Variants in MCPH1 observed in about 807,000 individuals in gnomAD.
MCPH1 encodes microcephalin.
MCPH1 carries 104 observed loss-of-function variants against 84.5 expected under a neutral mutation model. The ratio of observed to expected loss-of-function variants is 1.23; its 90% confidence interval spans 1.05 to 1.45. The LOEUF (loss-of-function observed/expected upper bound fraction) is 1.45. Ranked by LOEUF, MCPH1 falls within the 40% of genes most tolerant of loss-of-function variation. MCPH1 has a pLI of 0.00. For missense variants in MCPH1, 1,498 were observed against 1,005.7 expected (o/e 1.49, Z -6.62); for synonymous variants, 514 against 366.8 (o/e 1.40, Z -4.58).
At position 6,445,443 on chromosome 8, in the gene MCPH1, C is replaced by G; in HGVS notation, c.1721C>G (p.Ser574Cys). Residue 574 changes from serine (S) to cysteine (C), a missense_variant, in exon 8 of 14, where the codon TCT (serine) becomes TGT (cysteine). Coordinates refer to ENST00000344683, the MANE Select transcript of MCPH1 (RefSeq NM_024596.5). ...KGTTSKISNS[S>C]EGEAQSEHEP... Reference sequence around the variant, plus strand: ...ACCACTTCCAAAATATCAAACTCCTCTGAAGGCGAAGCCCAGAGTGAACAT... The same window carrying G: ...ACCACTTCCAAAATATCAAACTCCTGTGAAGGCGAAGCCCAGAGTGAACAT... 1.9e-6 allele frequency: 3 copies of G among 1,614,232 alleles called. No individual in the cohort carries two copies. Among genetic ancestry groups the G allele is most frequent in the East Asian group, 2.2e-5 (1 of 44,882 alleles).
At chr8:6,582,310 C>G (rs1827623480) in intron 12 of MCPH1, among the ~76,000 whole-genome samples, 1 of 152,208 alleles carries the variant, frequency 6.6e-6, no homozygotes, top group South Asian at 2.1e-4. Context: ...TTAATTATCT[C>G]TTTCAATCCT....
In MCPH1 at chr8:6,647,884, C is replaced by G. The variant is rs1798288561; in HGVS notation, c.*4835C>G. On this transcript the variant is annotated 3_prime_UTR_variant, in exon 14 of 14. Coordinates refer to ENST00000344683, the MANE Select transcript of MCPH1 (RefSeq NM_024596.5). ...GAACAGAACACTTTTAATGGGTAAG[C>G]CTTAAGGCATGTGAATTATACACCA... 1 of 151,962 alleles carries G rather than the reference C, an allele frequency of 6.6e-6. No homozygotes were observed. The allele number at this position is 151,962 out of a possible 1,614,324, so 9.4% of individuals were successfully genotyped here.
chr8:6,518,688 G>T (rs555009449), intron 12 of MCPH1, among the ~76,000 whole-genome samples: 1 of 152,196 alleles, frequency 6.6e-6, no homozygotes, highest in African/African-American at 2.4e-5. Flanking sequence ...CAAGAGCCTC[G>T]AAAATTTCCA....
chr8:6,621,546 C>T lies in MCPH1; in HGVS notation c.2307C>T (p.Ser769=). The T allele has an allele frequency of 1.2e-6, 2 of 1,613,566 alleles. No homozygotes were observed. Among genetic ancestry groups the T allele is most frequent in the East Asian group, 2.2e-5 (1 of 44,850 alleles). Residue 769 remains serine (S), a synonymous_variant, in exon 13 of 14, where the codon AGC becomes AGT. Coordinates refer to ENST00000344683, the MANE Select transcript of MCPH1 (RefSeq NM_024596.5). Reference sequence around the variant, plus strand: ...CGATGTTTGTCTCGCCTGCCAGCAGCCCCCCAGTGGCCAAGCTCTGTGAAC... The same window carrying T: ...CGATGTTTGTCTCGCCTGCCAGCAGTCCCCCAGTGGCCAAGCTCTGTGAAC... ...QPAMFVSPAS[S]PPVAKLCELV...
rs1824284183 is a variant in MCPH1, at chr8:6,554,709, C to T, written c.2214+54780C>T. ...GTGGAAAGTTGCTCAGAGGGAGAAC[C>T]AGTCTGATTTTGGAGAAAGTAATTA... On this transcript the variant is annotated intron_variant, in intron 12 of 13. Transcript: ENST00000344683. Among the ~76,000 whole-genome samples the T allele has an allele frequency of 2.0e-5, 3 of 152,180 alleles. No individual in the cohort carries two copies. In the Middle Eastern group the frequency reaches 0.01, roughly 518 times the overall value.
At chr8:6,581,595 G>A (rs890725399) in intron 12 of MCPH1, among the ~76,000 whole-genome samples, 1 of 152,158 alleles carries the variant, frequency 6.6e-6, no homozygotes, top group African/African-American at 2.4e-5. Context: ...ACAAAACACA[G>A]TTAGGAAGTT....
chr8:6,593,841 T>C (rs1445802590), intron 12 of MCPH1, among the ~76,000 whole-genome samples: 1 of 152,232 alleles, frequency 6.6e-6, no homozygotes, highest in African/African-American at 2.4e-5. Context: ...TTTGCAAAGA[T>C]TGAGATCATT....
At chr8:6,573,441 G>C (rs534291571) in intron 12 of MCPH1, among the ~76,000 whole-genome samples, 1 of 151,994 alleles carries the variant, frequency 6.6e-6, no homozygotes, top group African/African-American at 2.4e-5. Flanking sequence ...TCTGGTACTG[G>C]GACTGACTCT....
At chr8:6,412,575 T>G (rs6995735) in intron 2 of MCPH1, among the ~76,000 whole-genome samples, 39,803 of 152,132 alleles carry the variant, frequency 0.26, 6,091 homozygotes, top group African/African-American at 0.43. Flanking sequence ...TGATTCACCC[T>G]TAATCTAGAT....
intron 12 of MCPH1, among the ~76,000 whole-genome samples, chr8:6,600,836 C>T (rs1392560362): frequency 2.0e-5 from 3 of 152,168 alleles, no homozygotes; most frequent in African/African-American, 7.2e-5. Flanking sequence ...TATGGGCTCC[C>T]ATCAAGGGTG....
intron 13 of MCPH1, among the ~76,000 whole-genome samples, chr8:6,624,474 C>T (rs1329926382): frequency 6.6e-6 from 1 of 152,182 alleles, no homozygotes; most frequent in African/African-American, 2.4e-5. Context: ...TCCAGTGTAC[C>T]AGGCCTCTCC....
chr8:6,491,649 T>C (rs7823919), intron 11 of MCPH1, among the ~76,000 whole-genome samples: 1,760 of 151,504 alleles, frequency 0.012, 44 homozygotes, highest in African/African-American at 0.041. Flanking sequence ...CAACAGGCCC[T>C]GGTGTGTGAT....
chr8:6,441,181 G>A (rs1803460135), intron 6 of MCPH1, among the ~76,000 whole-genome samples: 1 of 152,234 alleles, frequency 6.6e-6, no homozygotes, highest in Admixed American at 6.5e-5. Flanking sequence ...TTGTTAAGAA[G>A]AAGTGAGAAT....
intron 12 of MCPH1, among the ~76,000 whole-genome samples, chr8:6,555,500 AG>A (rs1447772567): frequency 2.0e-5 from 3 of 148,222 alleles, no homozygotes; most frequent in Non-Finnish European, 3.0e-5. Flanking sequence ...CTCACTGCGT[AG>A]CCCAGGCTGG....
chr8:6,474,270 AT>A, intron 9 of MCPH1: 1 of 548,380 alleles, frequency 1.8e-6, no homozygotes, highest in Non-Finnish European at 3.3e-6. Flanking sequence ...ACATTAATGT[AT>A]TTCAATCCTG....
At chr8:6,412,832 G>C (rs1321227868) in intron 2 of MCPH1, among the ~76,000 whole-genome samples, 2 of 152,312 alleles carry the variant, frequency 1.3e-5, no homozygotes, top group Non-Finnish European at 2.9e-5. Flanking sequence ...GAGAGAGAGA[G>C]AGAGTTATAA....
intron 12 of MCPH1, among the ~76,000 whole-genome samples, chr8:6,572,604 A>G (rs1826751046): frequency 6.6e-6 from 1 of 152,252 alleles, no homozygotes; most frequent in Non-Finnish European, 1.5e-5. Flanking sequence ...ACACACAGTG[A>G]AAAAATATTT....
intron 12 of MCPH1, among the ~76,000 whole-genome samples, chr8:6,524,516 T>C (rs1003380077): frequency 6.6e-6 from 1 of 152,228 alleles, no homozygotes; most frequent in Non-Finnish European, 1.5e-5. Context: ...GCATGTGAAA[T>C]TGACATACAC....
At chr8:6,511,238 G>A (rs1049737834) in intron 12 of MCPH1, among the ~76,000 whole-genome samples, 6 of 151,758 alleles carry the variant, frequency 4.0e-5, no homozygotes, top group African/African-American at 1.5e-4. Context: ...TTAAAATTTG[G>A]TTATTAAGAA....
Sources: allele counts gnomAD v4.1 joint callset (sites outside exome capture counted in the v4.1 genomes callset), GRCh38; gene constraint gnomAD v4.1.1; transcripts MANE v1.5; gene names NCBI Gene and HGNC (gene_info 2026-07-23, HGNC 2026-07-21).